VPS8: variants seen among roughly 807,000 people sequenced by gnomAD.
VPS8 encodes the protein VPS8 subunit of CORVET complex.
VPS8 carries 129 observed loss-of-function variants against 216.4 expected under a neutral mutation model. The ratio of observed to expected loss-of-function variants is 0.60; its 90% CI spans 0.52 to 0.69. The LOEUF is 0.69. Among genes scored for constraint, VPS8 ranks in the 30% least tolerant of loss-of-function variants. VPS8 has a pLI of 0.00. For synonymous variants in VPS8, 571 were observed against 565.4 expected (o/e 1.01, Z -0.14); for missense variants, 1,531 against 1,683.5 (o/e 0.91, Z 1.59).
chr3:184,873,442 C>T (rs1728701164), intron 21 of VPS8, among the ~76,000 whole-genome samples: 1 of 152,054 alleles, frequency 6.6e-6, no homozygotes, highest in African/African-American at 2.4e-5. Context: ...GTTACAGACC[C>T]TTTATGCATA....
intron 1 of VPS8, among the ~76,000 whole-genome samples, chr3:184,819,593 C>T (rs1254189131): frequency 6.6e-6 from 1 of 152,110 alleles, no homozygotes; most frequent in Non-Finnish European, 1.5e-5. Context: ...AATGAAGGGC[C>T]TGCTTAATAA....
intron 45 of VPS8, among the ~76,000 whole-genome samples, chr3:185,023,713 G>C (rs187389571): frequency 6.6e-6 from 1 of 151,930 alleles, no homozygotes; most frequent in Non-Finnish European, 1.5e-5. Context: ...GCATATTGTC[G>C]CCATCCTTTT....
chr3:184,921,479 G>A (rs909959401), intron 29 of VPS8, among the ~76,000 whole-genome samples: 2 of 152,190 alleles, frequency 1.3e-5, no homozygotes, highest in South Asian at 2.1e-4. Context: ...TGCTTACACC[G>A]TGTAAGGCCC....
intron 45 of VPS8, among the ~76,000 whole-genome samples, chr3:185,009,004 A>G (rs1408589823): frequency 6.6e-6 from 1 of 152,250 alleles, no homozygotes; most frequent in Admixed American, 6.5e-5. Context: ...TTTTATTCTT[A>G]GGAAACATTG....
At position 185,024,390 on chromosome 3, in the gene VPS8, G is replaced by T. The variant is rs983086348; in HGVS notation, c.4056+1G>T. 6.3e-7 allele frequency: 1 copy of T among 1,594,620 alleles called. No individual in the cohort carries two copies. ...CAAAGGGGATCCCACTGCTAAAAAG[G>T]TGAGTTTGTTTTAAAGGCAAAAAAC... On this transcript the variant is annotated splice_donor_variant, in intron 46 of 47. Transcript: ENST00000625842. LOFTEE classifies it high-confidence loss of function.
chr3:184,998,551 A>T (rs1752956007), intron 44 of VPS8, among the ~76,000 whole-genome samples: 1 of 130,196 alleles, frequency 7.7e-6, no homozygotes, highest in Admixed American at 8.0e-5. Context: ...CGAGAGAGAG[A>T]GAGAGAAGGG....
At chr3:184,890,888 A>G (rs546318550) in intron 22 of VPS8, among the ~76,000 whole-genome samples, 1 of 151,536 alleles carries the variant, frequency 6.6e-6, no homozygotes, top group African/African-American at 2.4e-5. Context: ...TTTTTTTTTC[A>G]GTATTAGACA....
intron 46 of VPS8, among the ~76,000 whole-genome samples, chr3:185,036,550 G>A (rs184444333): frequency 2.0e-5 from 3 of 151,504 alleles, no homozygotes; most frequent in Admixed American, 2.0e-4. Context: ...ATATCTTTTT[G>A]ATGAAGTCTT....
intron 45 of VPS8, among the ~76,000 whole-genome samples, chr3:185,009,847 TG>T (rs931831626): frequency 2.0e-5 from 3 of 151,992 alleles, no homozygotes; most frequent in Admixed American, 6.5e-5. Context: ...AAAGACAAGG[TG>T]GCTAGAGTTT....
At chr3:184,828,863 A>C (rs1415841588) in intron 3 of VPS8, among the ~76,000 whole-genome samples, 1 of 152,218 alleles carries the variant, frequency 6.6e-6, no homozygotes, top group Non-Finnish European at 1.5e-5. Flanking sequence ...GAACATTACT[A>C]GTACCCTAGA....
rs1416477711 is a variant in VPS8, at chr3:185,048,577, G to C, written c.4137+18G>C. 6.2e-7 allele frequency: 1 copy of C among 1,612,970 alleles called. No individual in the cohort carries two copies. Among genetic ancestry groups the C allele is most frequent in the South Asian group, 1.1e-5 (1 of 90,998 alleles). Reference sequence around the variant, plus strand: ...GCTCCAGGGTAATGTTTGCGTGGTTGTTTATATTTTTATTTCCCTATTTAT... The same window carrying C: ...GCTCCAGGGTAATGTTTGCGTGGTTCTTTATATTTTTATTTCCCTATTTAT... On this transcript the variant is annotated intron_variant, in intron 47 of 47. Transcript: ENST00000625842.
At chr3:185,008,772 A>G (rs575516383) in intron 45 of VPS8, among the ~76,000 whole-genome samples, 3 of 152,330 alleles carry the variant, frequency 2.0e-5, no homozygotes, top group Admixed American at 6.5e-5. Flanking sequence ...CATAGTGCCT[A>G]AAAGGGAAAA....
chr3:184,832,890 T>C (rs900981414), intron 4 of VPS8, 71 bp downstream of exon 4: 124 of 1,522,938 alleles, frequency 8.1e-5, no homozygotes, highest in Non-Finnish European at 1.0e-4. Flanking sequence ...AATATTGTAC[T>C]TTTTAAAGTA....
intron 34 of VPS8, among the ~76,000 whole-genome samples, chr3:184,933,582 C>T (rs1741089739): frequency 6.6e-6 from 1 of 151,848 alleles, no homozygotes; most frequent in Non-Finnish European, 1.5e-5. Context: ...TTCCCCCCCT[C>T]TTTATGTCCT....
At chr3:184,879,067 A>G (rs1046401386) in intron 21 of VPS8, among the ~76,000 whole-genome samples, 8 of 152,240 alleles carry the variant, frequency 5.3e-5, no homozygotes, top group Non-Finnish European at 8.8e-5. Flanking sequence ...AGGAATCTGC[A>G]TCTGTTATTT....
At chr3:184,894,529 T>TATATATATATAC (rs1406437015) in intron 22 of VPS8, among the ~76,000 whole-genome samples, 174 bp from the exon 23 acceptor site, 4 of 144,072 alleles carry the variant, frequency 2.8e-5, no homozygotes, top group East Asian at 3.9e-4. Context: ...TATATATATA[T>TATATATATATAC]ATACACACAC....
At chr3:184,860,907 C>T (rs1487050835) in intron 15 of VPS8, among the ~76,000 whole-genome samples, 5 of 151,640 alleles carry the variant, frequency 3.3e-5, no homozygotes, top group Admixed American at 6.6e-5. Flanking sequence ...CTGCAAGCTC[C>T]GCCTCCCAGG....
Position 184,971,757 on chromosome 3 carries a change from G to C in VPS8, c.3420+5G>C. 6.2e-7 allele frequency: 1 copy of C among 1,610,468 alleles called. No homozygotes were observed. Among genetic ancestry groups the C allele is most frequent in the Non-Finnish European group, 8.5e-7 (1 of 1,177,770 alleles). On this transcript the variant is annotated splice_donor_5th_base_variant and intron_variant, in intron 40 of 47. Coordinates refer to ENST00000625842, the MANE Select transcript of VPS8 (RefSeq NM_001009921.3). ...TTGAACCAGCAGCAACGTGAGGTAG[G>C]AGAATGACTGTTTAGGTATTTAAAA...
At chr3:185,002,952 T>TG (rs1010828008) in intron 45 of VPS8, among the ~76,000 whole-genome samples, 1 of 152,124 alleles carries the variant, frequency 6.6e-6, no homozygotes, top group Non-Finnish European at 1.5e-5. Flanking sequence ...TATTTTCCTT[T>TG]GGGTAGATAC....
Sources: gnomAD v4.1 joint callset for allele counts (sites outside exome capture counted in the v4.1 genomes callset) on GRCh38, gnomAD v4.1.1 for gene constraint, MANE v1.5 for transcripts, NCBI Gene and HGNC (gene_info 2026-07-23, HGNC 2026-07-21) for gene names.